The following CCDC141 variants were observed in gnomAD, a reference collection of about 807,000 sequenced individuals.
CCDC141 encodes the protein coiled-coil domain containing 141.
CCDC141 carries 168 observed loss-of-function variants against 181.0 expected under a neutral mutation model. The ratio of observed to expected loss-of-function variants is 0.93; its 90% confidence interval spans 0.82 to 1.05. CCDC141 has a LOEUF of 1.05. Ranked by LOEUF, CCDC141 falls within the 50% of genes least tolerant of loss-of-function variation. The probability of loss-of-function intolerance (pLI) is 0.00; values close to 1 mark genes in which losing one functional copy is unlikely to be tolerated. For missense variants in CCDC141, 1,902 were observed against 1,788.5 expected, an observed-to-expected ratio of 1.06 and a Z score of -1.14; for synonymous variants, 666 against 642.3, an observed-to-expected ratio of 1.04 and a Z score of -0.56.
At chr2:178,835,693 A>C (rs917825873) in intron 23 of CCDC141, 4 of 152,274 alleles carry the variant, frequency 2.6e-5, no homozygotes, top group Non-Finnish European at 1.5e-5. Context: ...TTAACCACAC[A>C]CATACTAACC....
chr2:178,871,870 C>T (rs1686134200), intron 13 of CCDC141, among the ~76,000 whole-genome samples: 1 of 152,170 alleles, frequency 6.6e-6, no homozygotes, highest in African/African-American at 2.4e-5. Flanking sequence ...ACCTCCAGAA[C>T]TTGTTTATCA....
intron 8 of CCDC141, among the ~76,000 whole-genome samples, chr2:178,899,148 T>C (rs897119679): frequency 6.6e-6 from 1 of 152,184 alleles, no homozygotes; most frequent in African/African-American, 2.4e-5. Flanking sequence ...TGAATACCAT[T>C]GTGTTTCATT....
intron 11 of CCDC141, among the ~76,000 whole-genome samples, chr2:178,880,695 A>T (rs1159322068): frequency 6.6e-6 from 1 of 152,230 alleles, no homozygotes; most frequent in African/African-American, 2.4e-5. Context: ...CCACATTTAC[A>T]AAATGGGGAT....
At chr2:178,840,221 C>A (rs1684665523) in intron 22 of CCDC141, among the ~76,000 whole-genome samples, 1 of 152,192 alleles carries the variant, frequency 6.6e-6, no homozygotes. Context: ...CCTCAACTCT[C>A]TCTCATCATC....
chr2:178,965,895 A>G (rs1690607400), intron 4 of CCDC141, among the ~76,000 whole-genome samples: 2 of 152,256 alleles, frequency 1.3e-5, no homozygotes, highest in Middle Eastern at 6.8e-3. Flanking sequence ...TCAGCACAGC[A>G]GCAGTCTGAG....
At chr2:179,001,027 G>A (rs1187905959) in intron 2 of CCDC141, among the ~76,000 whole-genome samples, 1 of 152,086 alleles carries the variant, frequency 6.6e-6, no homozygotes, top group South Asian at 2.1e-4. Context: ...CATTTGCCCA[G>A]GTCCATTTCA....
At chr2:178,883,785 G>A (rs571353968) in intron 11 of CCDC141, among the ~76,000 whole-genome samples, 3 of 152,138 alleles carry the variant, frequency 2.0e-5, no homozygotes, top group Admixed American at 1.3e-4. Context: ...ATAAAATAGG[G>A]CTTTTCTATT....
Position 179,050,092 on chromosome 2 carries a change from T to A in CCDC141, c.-151A>T. On this transcript the variant is annotated 5_prime_UTR_variant, in exon 1 of 24. Coordinates refer to ENST00000443758, the MANE Select transcript of CCDC141 (RefSeq NM_173648.4). ...CTGCCAAAAGGAAAGAACAGGAGGT[T>A]AAAAATAGACAACCCCATTGAGTTT... The A allele has an allele frequency of 1.7e-6, 2 of 1,209,632 alleles. No individual in the cohort carries two copies. The highest frequency in any genetic ancestry group is 2.2e-6 in the Non-Finnish European group (2 of 895,534). 74.9% of individuals were successfully genotyped at this position (1,209,632 alleles called of 1,614,324 possible).
intron 2 of CCDC141, among the ~76,000 whole-genome samples, chr2:178,998,175 A>G (rs60334306): frequency 0.011 from 1,720 of 152,320 alleles, 26 homozygotes; most frequent in African/African-American, 0.04. Flanking sequence ...AACATTCTCA[A>G]TCAACAGGGA....
chr2:179,026,537 C>T (rs1280609471), intron 2 of CCDC141, among the ~76,000 whole-genome samples: 2 of 152,226 alleles, frequency 1.3e-5, no homozygotes, highest in African/African-American at 4.8e-5. Flanking sequence ...AGGGGTAGGG[C>T]TCTCATAGAG....
At chr2:178,875,829 C>T (rs889427393) in intron 12 of CCDC141, 3 of 152,082 alleles carry the variant, frequency 2.0e-5, no homozygotes, top group African/African-American at 4.8e-5. Flanking sequence ...TATTTGAATT[C>T]CCTTAGGTAA....
chr2:179,007,918 C>T (rs763122097), intron 2 of CCDC141, among the ~76,000 whole-genome samples: 20 of 152,272 alleles, frequency 1.3e-4, no homozygotes, highest in Admixed American at 5.9e-4. Flanking sequence ...ATCACAATCA[C>T]GCAGTGATGT....
At chr2:178,903,820 G>T (rs147814473) in intron 8 of CCDC141, among the ~76,000 whole-genome samples, 1 of 151,194 alleles carries the variant, frequency 6.6e-6, no homozygotes, top group East Asian at 1.9e-4. Flanking sequence ...GGAACATGCC[G>T]CAAGCAAAGA....
intron 8 of CCDC141, among the ~76,000 whole-genome samples, chr2:178,889,686 C>T (rs11889239): frequency 0.014 from 2,190 of 152,162 alleles, 63 homozygotes; most frequent in African/African-American, 0.05. Flanking sequence ...GATGACGATG[C>T]CACTATAGAG....
intron 17 of CCDC141, among the ~76,000 whole-genome samples, chr2:178,864,706 C>T (rs772002015): frequency 7.9e-5 from 12 of 152,326 alleles, no homozygotes; most frequent in African/African-American, 1.7e-4. Flanking sequence ...CCTACAGGAA[C>T]GGCCACTTCA....
chr2:178,870,060 T>C (rs1686042056), intron 14 of CCDC141, among the ~76,000 whole-genome samples: 1 of 151,834 alleles, frequency 6.6e-6, no homozygotes, highest in African/African-American at 2.4e-5. Context: ...GGCAGAACCC[T>C]GTCTCTACCA....
At chr2:179,015,066 A>ATATATAT (rs1559048317) in intron 2 of CCDC141, among the ~76,000 whole-genome samples, 1 of 9,216 alleles carries the variant, frequency 1.1e-4, no homozygotes, top group African/African-American at 3.0e-4. Flanking sequence ...AGAGAGACAG[A>ATATATAT]GATATATATA....
chr2:178,926,251 A>G (rs1232028917), intron 6 of CCDC141, among the ~76,000 whole-genome samples: 1 of 152,226 alleles, frequency 6.6e-6, no homozygotes, highest in East Asian at 1.9e-4. Context: ...GATCCAGAAT[A>G]TTCTAAGGTA....
intron 23 of CCDC141, 40 bp from the exon 24 acceptor site, chr2:178,834,480 T>C: frequency 6.5e-7 from 1 of 1,528,034 alleles, no homozygotes; most frequent in South Asian, 1.2e-5. Context: ...GGATTGCTGT[T>C]TATTCACATT....
Sources: gnomAD v4.1 joint callset for allele counts (sites outside exome capture counted in the v4.1 genomes callset) on GRCh38, gnomAD v4.1.1 for gene constraint, MANE v1.5 for transcripts, NCBI Gene and HGNC (gene_info 2026-07-23, HGNC 2026-07-21) for gene names.